WIPF1: variants seen among roughly 807,000 people sequenced by gnomAD.
The protein encoded by WIPF1 is WAS/WASL interacting protein family member 1, also known as WAS/WASL-interacting protein family member 1.
A neutral mutation model predicts 35.4 loss-of-function variants in WIPF1; 13 were observed. That is an observed-to-expected ratio of 0.37 (90% confidence interval 0.24 to 0.58). WIPF1 has a LOEUF of 0.58. WIPF1 is among the 20% of genes least tolerant of loss of function. The probability of loss-of-function intolerance (pLI) is 0.74; values close to 1 mark genes in which losing one functional copy is unlikely to be tolerated. For synonymous variants in WIPF1, 267 were observed against 266.3 expected, an observed-to-expected ratio of 1.00 and a Z score of -0.02; for missense variants, 591 against 667.0, an observed-to-expected ratio of 0.89 and a Z score of 1.25.
In WIPF1 at chr2:174,653,741, C is replaced by CAAAA. The variant is rs1175251483; in HGVS notation, c.-39+29029_-39+29032dup. 2.8e-4 allele frequency among the ~76,000 whole-genome samples: 16 copies of CAAAA among 57,828 alleles called. 1 individual carries two copies. The highest frequency in any genetic ancestry group is 4.5e-4 in the Non-Finnish European group (12 of 26,818). The allele number at this position is 57,828 out of a possible 152,430, so 37.9% of individuals were successfully genotyped here. On this transcript the variant is annotated intron_variant, in intron 1 of 8. Transcript: ENST00000272746. ...TGGGCAACAGAGCAAGCCTCTGTCT[C>CAAAA]AAAAAAAAAAAAAAAAAAAAAGAAA...
chr2:174,572,661 T>A (rs1465463937), intron 4 of WIPF1, among the ~76,000 whole-genome samples: 4 of 152,224 alleles, frequency 2.6e-5, no homozygotes, highest in Non-Finnish European at 5.9e-5. Flanking sequence ...TTCTACAGCC[T>A]ATGAGCTTTC....
chr2:174,589,231 G>A (rs1343698286), intron 1 of WIPF1, among the ~76,000 whole-genome samples: 1 of 152,162 alleles, frequency 6.6e-6, no homozygotes, highest in Non-Finnish European at 1.5e-5. Context: ...CCAATACCTG[G>A]CACAAAGTAG....
At chr2:174,681,665 C>T (rs1688246965) in intron 1 of WIPF1, among the ~76,000 whole-genome samples, 2 of 152,108 alleles carry the variant, frequency 1.3e-5, no homozygotes, top group Admixed American at 6.6e-5. Flanking sequence ...TGGGGCTACA[C>T]GCAGCCAGGG....
At chr2:174,673,093 A>G (rs1688054896) in intron 1 of WIPF1, among the ~76,000 whole-genome samples, 1 of 152,216 alleles carries the variant, frequency 6.6e-6, no homozygotes, top group Admixed American at 6.5e-5. Context: ...TACAAATTCC[A>G]GTGCCAAAAC....
intron 7 of WIPF1, among the ~76,000 whole-genome samples, chr2:174,563,749 GTCAA>G (rs1383841123): frequency 1.3e-5 from 2 of 152,186 alleles, no homozygotes; most frequent in African/African-American, 4.8e-5. Flanking sequence ...TGGGGCATGT[GTCAA>G]TCAGGTAGGT....
At chr2:174,605,087 A>C (rs1686116032) in intron 1 of WIPF1, among the ~76,000 whole-genome samples, 1 of 152,248 alleles carries the variant, frequency 6.6e-6, no homozygotes, top group South Asian at 2.1e-4. Flanking sequence ...ACTGAGCATG[A>C]AGCCAATGCA....
chr2:174,580,193 C>T (rs1685190005), intron 3 of WIPF1, among the ~76,000 whole-genome samples: 1 of 152,082 alleles, frequency 6.6e-6, no homozygotes, highest in African/African-American at 2.4e-5. Context: ...TCAAGTGATC[C>T]ACCCGCCTCA....
chr2:174,647,105 A>ATTTG (rs1308081197), intron 1 of WIPF1, among the ~76,000 whole-genome samples: 1 of 152,136 alleles, frequency 6.6e-6, no homozygotes, highest in Non-Finnish European at 1.5e-5. Flanking sequence ...GAGTGAGAAT[A>ATTTG]TTTGTGTCTG....
chr2:174,562,741 A>G, intron 7 of WIPF1, 139 bp from the exon 8 acceptor site: 1 of 1,129,342 alleles, frequency 8.9e-7, no homozygotes, highest in Non-Finnish European at 1.3e-6. Context: ...TATGTTGTGG[A>G]TGAGAAGTGA....
chr2:174,647,890 G>GAGAT (rs1687446422), intron 1 of WIPF1, among the ~76,000 whole-genome samples: 1 of 152,192 alleles, frequency 6.6e-6, no homozygotes, highest in Non-Finnish European at 1.5e-5. Flanking sequence ...CTAGATTAAA[G>GAGAT]AGATAGGTTA....
chr2:174,568,794 C>T (rs1261743034), intron 5 of WIPF1: 1 of 152,172 alleles, frequency 6.6e-6, no homozygotes, highest in Non-Finnish European at 1.5e-5. Context: ...CAGATGGTCA[C>T]CTGTCTCACA....
chr2:174,679,394 GGA>G (rs1688204836), intron 1 of WIPF1, among the ~76,000 whole-genome samples: 1 of 151,960 alleles, frequency 6.6e-6, no homozygotes, highest in African/African-American at 2.4e-5. Flanking sequence ...CTTGAGCCTG[GGA>G]GGCAGAGGTT....
intron 1 of WIPF1, among the ~76,000 whole-genome samples, chr2:174,616,445 A>C (rs555437110): frequency 1.0e-3 from 156 of 152,132 alleles, no homozygotes; most frequent in Non-Finnish European, 1.6e-3. Context: ...CTACTAGATC[A>C]GAAGTCCACT....
intron 1 of WIPF1, among the ~76,000 whole-genome samples, chr2:174,632,109 A>T (rs1687040124): frequency 6.6e-6 from 1 of 152,182 alleles, no homozygotes; most frequent in South Asian, 2.1e-4. Flanking sequence ...TTTAAACTTA[A>T]CTCAGTATTC....
chr2:174,602,273 G>A (rs549934829), upstream of WIPF1, among the ~76,000 whole-genome samples: 158 of 152,356 alleles, frequency 1.0e-3, 1 homozygote, highest in African/African-American at 3.5e-3. Context: ...GGTCTAGCCA[G>A]TGTAGAAAAA....
At chr2:174,607,402 C>CA (rs938745443) in intron 1 of WIPF1, among the ~76,000 whole-genome samples, 9 of 151,368 alleles carry the variant, frequency 5.9e-5, no homozygotes, top group Admixed American at 4.6e-4. Context: ...GACTCCATCT[C>CA]AAAAAAAATA....
intron 1 of WIPF1, among the ~76,000 whole-genome samples, chr2:174,615,316 A>C (rs1686474506): frequency 6.6e-6 from 1 of 152,220 alleles, no homozygotes; most frequent in Admixed American, 6.5e-5. Context: ...AAAAAAATAC[A>C]GTCAGAATTT....
chr2:174,598,078 G>A (rs1035190923), upstream of WIPF1: 2 of 152,068 alleles, frequency 1.3e-5, no homozygotes, highest in Non-Finnish European at 2.9e-5. Flanking sequence ...ATTCCTTTAG[G>A]AAAATTATAT....
chr2:174,594,283 G>A (rs2105864599), intron 1 of WIPF1, among the ~76,000 whole-genome samples: 1 of 152,282 alleles, frequency 6.6e-6, no homozygotes, highest in Middle Eastern at 3.4e-3. Context: ...AAGACATTTT[G>A]AAGCATCTCG....
Sources: gnomAD v4.1 joint callset for allele counts (sites outside exome capture counted in the v4.1 genomes callset) on GRCh38, gnomAD v4.1.1 for gene constraint, MANE v1.5 for transcripts, NCBI Gene and HGNC (gene_info 2026-07-23, HGNC 2026-07-21) for gene names.